The following ANKRD36C variants were observed in gnomAD, a reference collection of about 807,000 sequenced individuals.
ANKRD36C encodes the protein ankyrin repeat domain 36C, also known as ankyrin repeat domain-containing protein 36C.
A neutral mutation model predicts 276.4 loss-of-function variants in ANKRD36C; 61 were observed. The observed-to-expected ratio is 0.22, with a 90% confidence interval of 0.18 to 0.27. ANKRD36C has a LOEUF of 0.27. Among genes scored for constraint, ANKRD36C ranks in the 10% least tolerant of loss-of-function variants. The probability of loss-of-function intolerance (pLI) is 1.00; values close to 1 mark genes in which losing one functional copy is unlikely to be tolerated. For synonymous variants in ANKRD36C, 483 were observed against 680.1 expected (o/e 0.71, Z 4.51); for missense variants, 1,447 against 2,032.3 (o/e 0.71, Z 5.54).
intron 52 of ANKRD36C, among the ~76,000 whole-genome samples, chr2:95,884,661 A>G (rs1676161531): frequency 2.0e-5 from 3 of 152,102 alleles, no homozygotes; most frequent in Non-Finnish European, 4.4e-5. Context: ...ATGAGGACAA[A>G]TGTGATCTAA....
In ANKRD36C at chr2:95,920,294, C is replaced by T. The variant is rs1219386794; in HGVS notation, c.2245+1313G>A. On this transcript the variant is annotated intron_variant, in intron 34 of 66. Coordinates refer to ENST00000456556, the Ensembl canonical transcript of ANKRD36C. ...GTGCTACATGATCCCACATGTCTTT[C>T]GTGCAACAAATCAAAAGAATTTACA... Among the ~76,000 whole-genome samples, 2 of 132,496 alleles carry T rather than the reference C, an allele frequency of 1.5e-5. 1 individual carries two copies. Among genetic ancestry groups the T allele is most frequent in the African/African-American group, 5.3e-5 (2 of 38,032 alleles). The allele number at this position is 132,496 out of a possible 152,430, so 86.9% of individuals were successfully genotyped here.
intron 12 of ANKRD36C, among the ~76,000 whole-genome samples, chr2:95,957,892 C>A (rs1472566054): frequency 6.7e-6 from 1 of 148,510 alleles, no homozygotes; most frequent in Non-Finnish European, 1.5e-5. Flanking sequence ...TAACTGATAA[C>A]AACAAAACTT....
chr2:95,969,036 C>T (rs1484498839), intron 6 of ANKRD36C, among the ~76,000 whole-genome samples: 14 of 152,160 alleles, frequency 9.2e-5, no homozygotes, highest in Admixed American at 2.0e-4. Flanking sequence ...AGGATCCAGG[C>T]AGCTGAATAC....
At chr2:95,962,291 G>A (rs1678480297) in intron 8 of ANKRD36C, 61 bp downstream of exon 8, 2 of 1,507,410 alleles carry the variant, frequency 1.3e-6, no homozygotes, top group Middle Eastern at 3.4e-4. Flanking sequence ...GATTTATTCA[G>A]GGAACAGCAG....
intron 12 of ANKRD36C, 36 bp downstream of exon 12, chr2:95,958,555 A>G (rs1678384182): frequency 7.8e-6 from 12 of 1,541,246 alleles, no homozygotes; most frequent in East Asian, 2.4e-5. Context: ...CTCTATCTTC[A>G]GTGTACATGG....
intron 63 of ANKRD36C, 44 bp from the exon 84 acceptor site, chr2:95,853,905 A>T (rs1470746908): frequency 3.2e-6 from 5 of 1,571,118 alleles, no homozygotes; most frequent in Non-Finnish European, 1.7e-6. Flanking sequence ...AAATCACCTT[A>T]TTATTAAACC....
chr2:95,972,124 G>T (rs1466584837), intron 6 of ANKRD36C, among the ~76,000 whole-genome samples: 1 of 152,096 alleles, frequency 6.6e-6, no homozygotes, highest in East Asian at 1.9e-4. Context: ...TTCTTAGAAA[G>T]GCCTACATGC....
intron 34 of ANKRD36C, among the ~76,000 whole-genome samples, chr2:95,918,387 G>A (rs1348412118): frequency 1.3e-5 from 2 of 151,638 alleles, no homozygotes; most frequent in Non-Finnish European, 3.0e-5. Context: ...CAATGTCAAA[G>A]CAGGTGCTAC....
Position 95,857,444 on chromosome 2 carries a change from CA to C in ANKRD36C, c.3944del (p.Leu1315CysfsTer9). 1 of 1,590,990 alleles carries C rather than the reference CA, an allele frequency of 6.3e-7. No homozygotes were observed. The highest frequency in any genetic ancestry group is 8.6e-7 in the Non-Finnish European group (1 of 1,166,778). ...TTAACTTTTCCCTAACTTTTTGGTG[CA>C]ACTCTTCAACATTTCTTCTTTTCTT... On this transcript the variant is annotated frameshift_variant, in exon 62 of 67. Coordinates refer to ENST00000456556, the Ensembl canonical transcript of ANKRD36C. LOFTEE classifies it high-confidence loss of function.
chr2:95,871,779 G>A (rs1056168944), intron 59 of ANKRD36C, among the ~76,000 whole-genome samples: 11 of 151,730 alleles, frequency 7.2e-5, no homozygotes, highest in East Asian at 1.9e-4. Context: ...CCCATCTCAC[G>A]TGCAGAGACA....
At chr2:95,923,364 C>T in intron 32 of ANKRD36C, 131 bp downstream of exon 32, 2 of 1,269,026 alleles carry the variant, frequency 1.6e-6, no homozygotes, top group Non-Finnish European at 2.2e-6. Flanking sequence ...GAACTTATTA[C>T]AAATGAAGAA....
At chr2:95,853,011 C>G (rs1315420064) in intron 64 of ANKRD36C, 1 of 152,186 alleles carries the variant, frequency 6.6e-6, no homozygotes, top group East Asian at 1.9e-4. Context: ...CCAAACATCT[C>G]AAACCCATCC....
chr2:95,873,969 A>C (rs1558622813), intron 59 of ANKRD36C, among the ~76,000 whole-genome samples: 1 of 152,162 alleles, frequency 6.6e-6, no homozygotes, highest in Non-Finnish European at 1.5e-5. Context: ...TCCAACTTAC[A>C]AGGGATGTGA....
chr2:95,985,122 A>G (rs1483764125), intron 3 of ANKRD36C, among the ~76,000 whole-genome samples: 1 of 152,256 alleles, frequency 6.6e-6, no homozygotes, highest in Non-Finnish European at 1.5e-5. Context: ...GTCAGTCTCT[A>G]CTTATTAAAA....
intron 3 of ANKRD36C, among the ~76,000 whole-genome samples, chr2:95,984,355 AG>A (rs1157663506): frequency 1.3e-5 from 2 of 152,092 alleles, no homozygotes; most frequent in African/African-American, 4.8e-5. Context: ...GATAGGCTCA[AG>A]GGACACCAGA....
At chr2:95,863,170 A>G (rs554402297) in intron 60 of ANKRD36C, among the ~76,000 whole-genome samples, 1 of 152,136 alleles carries the variant, frequency 6.6e-6, no homozygotes, top group Non-Finnish European at 1.5e-5. Context: ...ACATAATTAT[A>G]GATTCTACAG....
chr2:95,869,495 A>G (rs1675753895), intron 59 of ANKRD36C, among the ~76,000 whole-genome samples: 1 of 152,228 alleles, frequency 6.6e-6, no homozygotes, highest in African/African-American at 2.4e-5. Context: ...CAAAATCACC[A>G]CCAGTCAGTA....
intron 6 of ANKRD36C, among the ~76,000 whole-genome samples, chr2:95,977,526 G>A (rs1350782089): frequency 2.0e-5 from 3 of 151,766 alleles, no homozygotes; most frequent in South Asian, 2.1e-4. Context: ...ACCATGGATG[G>A]GTGAACACCT....
chr2:95,921,845 A>G (rs1677280499), intron 32 of ANKRD36C, 35 bp from the exon 33 acceptor site: 1 of 1,578,142 alleles, frequency 6.3e-7, no homozygotes, highest in Admixed American at 1.8e-5. Flanking sequence ...TCATATGTAA[A>G]TATGATACAT....
Sources: gnomAD v4.1 joint callset for allele counts (sites outside exome capture counted in the v4.1 genomes callset) on GRCh38, gnomAD v4.1.1 for gene constraint, MANE v1.5 for transcripts, NCBI Gene and HGNC (gene_info 2026-07-23, HGNC 2026-07-21) for gene names.